ANKRD26: variants seen among roughly 807,000 people sequenced by gnomAD.
ANKRD26 encodes ankyrin repeat domain-containing protein 26.
A neutral mutation model predicts 208.7 loss-of-function variants in ANKRD26; 141 were observed. The ratio of observed to expected loss-of-function variants is 0.68; its 90% confidence interval spans 0.59 to 0.78. The LOEUF is 0.78. Ranked by LOEUF, ANKRD26 falls within the 30% of genes least tolerant of loss-of-function variation. The probability of loss-of-function intolerance (pLI) is 0.00; values close to 1 mark genes in which losing one functional copy is unlikely to be tolerated. For synonymous variants in ANKRD26, 636 were observed against 660.4 expected, an observed-to-expected ratio of 0.96 and a Z score of 0.57; for missense variants, 1,889 against 1,938.7, an observed-to-expected ratio of 0.97 and a Z score of 0.48.
intron 17 of ANKRD26, among the ~76,000 whole-genome samples, chr10:27,047,813 G>A (rs1464148109): frequency 2.6e-5 from 4 of 151,102 alleles, no homozygotes; most frequent in South Asian, 2.1e-4. Context: ...GCACAATCTC[G>A]GCTCACTGCA....
Position 27,035,056 on chromosome 10 carries a change from C to A in ANKRD26, c.3394G>T (p.Val1132Leu). The A allele has an allele frequency of 6.2e-7, 1 of 1,613,688 alleles. No individual in the cohort carries two copies. The highest frequency in any genetic ancestry group is 8.5e-7 in the Non-Finnish European group (1 of 1,179,866). The change falls in exon 24 of 34, where the codon GTA becomes TTA. Residue 1132 changes from valine to leucine, a missense_variant. Physicochemically the swap from Val to Leu is conservative, Grantham distance 32. Coordinates refer to ENST00000376087, the MANE Select transcript of ANKRD26 (RefSeq NM_014915.3). ...TGTAGTTGAGACAATCTCTCCTCTA[C>A]AGACTCCTGCTTTCCAATGTATTTA... is the stretch of plus-strand genomic sequence containing the variant. ...VNKYIGKQES[V>L]EERLSQLQSE...
intron 4 of ANKRD26, 50 bp from the exon 5 acceptor site, chr10:27,086,659 T>C (rs768228668): frequency 5.8e-6 from 9 of 1,551,342 alleles, no homozygotes; most frequent in Non-Finnish European, 7.0e-6. Context: ...ATACAAAAAA[T>C]ATTTACCAAA....
downstream of ANKRD26, among the ~76,000 whole-genome samples, chr10:27,003,279 T>A (rs951079708): frequency 2.0e-5 from 3 of 152,210 alleles, no homozygotes; most frequent in African/African-American, 4.8e-5. Context: ...TTGAAATGGC[T>A]ACTACTGGCC....
At chr10:27,065,792 C>T (rs974833446) in intron 11 of ANKRD26, among the ~76,000 whole-genome samples, 9 of 149,092 alleles carry the variant, frequency 6.0e-5, no homozygotes, top group South Asian at 2.1e-4. Flanking sequence ...CTCATTAGGC[C>T]GTTTACTCAT....
rs74128532 is a variant in ANKRD26 at position 27,023,519 on chromosome 10, T to C, written c.4086-832A>G. On this transcript the variant is annotated intron_variant, in intron 28 of 33. Coordinates refer to ENST00000376087, the MANE Select transcript of ANKRD26 (RefSeq NM_014915.3). ...GTAGATAAGAGACAGGAAAGAAACA[T>C]TTTTGACGTCTGAGTTAAGGGGAAA... Among the ~76,000 whole-genome samples the C allele has an allele frequency of 2.5e-3, 372 of 149,804 alleles. 2 individuals carry two copies. Among genetic ancestry groups the C allele is most frequent in the African/African-American group, 8.6e-3 (352 of 40,842 alleles).
chr10:27,067,266 G>A lies in ANKRD26; in HGVS notation c.1098C>T (p.Gly366=). ...GLMKEEPTKP[G]IAKKENGIDI... is the part of the protein sequence containing the mutation. ...CAATACCATTTTCTTTTTTTGCAAT[G>A]CCTGGCTTTGTTGGTTCTTCCTATT... The change falls in exon 10 of 34, where the codon GGC becomes GGT. Residue 366 remains glycine, a synonymous_variant. Transcript: ENST00000376087. 6.2e-7 allele frequency: 1 copy of A among 1,613,124 alleles called. No homozygotes were observed.
chr10:27,092,575 ACT>A, intron 3 of ANKRD26, 63 bp from the exon 4 acceptor site: 1 of 1,214,668 alleles, frequency 8.2e-7, no homozygotes, highest in Non-Finnish European at 1.2e-6. Context: ...TGAACTGAAA[ACT>A]CTATGTCAGA....
At chr10:27,082,181 C>A (rs1218257336) in intron 6 of ANKRD26, among the ~76,000 whole-genome samples, 1 of 151,254 alleles carries the variant, frequency 6.6e-6, no homozygotes, top group Non-Finnish European at 1.5e-5. Flanking sequence ...GAGAAATAAA[C>A]CAGAAATATC....
chr10:27,005,750 T>G (rs1195689319), intron 33 of ANKRD26, 27 bp from the exon 34 acceptor site: 1 of 1,595,454 alleles, frequency 6.3e-7, no homozygotes, highest in African/African-American at 1.3e-5. Context: ...AGAATTATAT[T>G]CCTTACCTAA....
chr10:27,002,590 C>T (rs553192509), downstream of ANKRD26, among the ~76,000 whole-genome samples: 3 of 152,272 alleles, frequency 2.0e-5, no homozygotes, highest in East Asian at 5.8e-4. Context: ...GCAGGAGAGG[C>T]TCTGACCATG....
Position 27,086,540 on chromosome 10 carries a change from T to C in ANKRD26, c.708A>G (p.Ser236=). Residue 236 remains serine (S), a splice_region_variant and synonymous_variant, in exon 5 of 34, where the codon TCA becomes TCG. Coordinates refer to ENST00000376087, the MANE Select transcript of ANKRD26 (RefSeq NM_014915.3). ...IPKHSSQNSN[S]VDESSEDSLS... ...GAAATTCACTATTGGAAGTCTTACC[T>C]GAATTACTATTTTGAGAAGAATGTT... 6.2e-7 allele frequency: 1 copy of C among 1,605,474 alleles called. No individual in the cohort carries two copies. Among genetic ancestry groups the C allele is most frequent in the Non-Finnish European group, 8.5e-7 (1 of 1,174,834 alleles).
chr10:27,040,409 A>T (rs1454833243), intron 20 of ANKRD26, among the ~76,000 whole-genome samples: 3 of 152,224 alleles, frequency 2.0e-5, no homozygotes, highest in African/African-American at 7.2e-5. Context: ...AGTGACAATT[A>T]TGAATTCAGA....
chr10:27,008,631 T>A (rs2052977762), intron 32 of ANKRD26, among the ~76,000 whole-genome samples: 1 of 152,186 alleles, frequency 6.6e-6, no homozygotes, highest in South Asian at 2.1e-4. Flanking sequence ...TAGATAAAAA[T>A]GAAATACTCT....
chr10:27,017,515 T>C lies in ANKRD26; in HGVS notation c.4493A>G (p.Asn1498Ser), dbSNP rs1389965955. ...ACATAAGCTAACCTGTAAAAATAGA[T>C]TGACTTCTTTTAATTTTTCTGCTAT... ...QEIAEKLKEV[N>S]LFLQAQAASQ... The change falls in exon 30 of 34, where the codon AAT becomes AGT. Residue 1498 changes from asparagine to serine, a missense_variant. Transcript: ENST00000376087. 5.0e-6 allele frequency: 8 copies of C among 1,613,506 alleles called. No individual in the cohort carries two copies. Among genetic ancestry groups the C allele is most frequent in the South Asian group, 1.1e-5 (1 of 91,058 alleles).
At chr10:27,003,793 T>C (rs1025351674), downstream of ANKRD26, among the ~76,000 whole-genome samples, 2 of 152,132 alleles carry the variant, frequency 1.3e-5, no homozygotes, top group Admixed American at 6.5e-5. Flanking sequence ...AGCTGACCTA[T>C]ACTCTCCAAA....
intron 33 of ANKRD26, among the ~76,000 whole-genome samples, chr10:27,006,409 T>A (rs2052882657): frequency 6.6e-6 from 1 of 152,164 alleles, no homozygotes; most frequent in African/African-American, 2.4e-5. Flanking sequence ...GCTAAGGAAT[T>A]TGGAACTTCT....
chr10:26,970,339 T>C (rs1313406171), downstream of ANKRD26, among the ~76,000 whole-genome samples: 1 of 152,190 alleles, frequency 6.6e-6, no homozygotes, highest in Non-Finnish European at 1.5e-5. Flanking sequence ...ACCCTCTTGA[T>C]GCTGTCTTCA....
At chr10:26,967,215 C>T in the ANKRD26 span, among the ~76,000 whole-genome samples, 3 of 152,138 alleles carry the variant, frequency 2.0e-5, no homozygotes, top group Non-Finnish European at 2.9e-5. Flanking sequence ...AGACATTTCA[C>T]CATCCGAGTT....
downstream of ANKRD26, among the ~76,000 whole-genome samples, chr10:26,969,331 C>T (rs1278256293): frequency 2.0e-5 from 3 of 152,196 alleles, no homozygotes; most frequent in Non-Finnish European, 4.4e-5. Context: ...TGAGTGATAA[C>T]TACACGGTTT....
Sources: allele counts gnomAD v4.1 joint callset (sites outside exome capture counted in the v4.1 genomes callset), GRCh38; gene constraint gnomAD v4.1.1; transcripts MANE v1.5; gene names NCBI Gene and HGNC (gene_info 2026-07-23, HGNC 2026-07-21).